The following RAPH1 variants were observed in gnomAD, a reference collection of about 807,000 sequenced individuals.
RAPH1 encodes ras-associated and pleckstrin homology domains-containing protein 1.
In RAPH1, 18 loss-of-function variants were observed where a neutral mutation model predicts 88.1. That is an observed-to-expected ratio of 0.20 (90% CI 0.14 to 0.30). The LOEUF (loss-of-function observed/expected upper bound fraction) is 0.30. Ranked by LOEUF, RAPH1 falls within the 10% of genes least tolerant of loss-of-function variation. The pLI, the probability that RAPH1 is intolerant of heterozygous loss-of-function variation, is 1.00. For missense variants in RAPH1, 1,448 were observed against 1,543.2 expected, an observed-to-expected ratio of 0.94 and a Z score of 1.03; for synonymous variants, 587 against 559.0, an observed-to-expected ratio of 1.05 and a Z score of -0.71.
Position 203,440,607 on chromosome 2 carries a change from G to C in RAPH1, c.2583C>G (p.Val861=), listed in dbSNP as rs747443349. The C allele has an allele frequency of 6.4e-7, 1 of 1,556,194 alleles. No homozygotes were observed. Among genetic ancestry groups the C allele is most frequent in the African/African-American group, 1.4e-5 (1 of 73,140 alleles). Residue 861 remains valine (V), a synonymous_variant, in exon 14 of 14, where the codon GTC becomes GTG. Coordinates refer to ENST00000319170, the MANE Select transcript of RAPH1 (RefSeq NM_213589.3). The stretch of plus-strand genomic sequence containing the variant: ...GAAACTGGCTGGCTATCTGCTTCAC[G>C]ACCGAGGGCACCGGTGACAGTGGAG... The part of the protein sequence containing the change: ...PPSPLSPVPS[V]VKQIASQFPP...
intron 4 of RAPH1, among the ~76,000 whole-genome samples, chr2:203,482,537 T>C (rs986913102): frequency 6.6e-6 from 1 of 152,216 alleles, no homozygotes; most frequent in African/African-American, 2.4e-5. Context: ...TAAGAAAACT[T>C]GATGATTGTG....
Position 203,440,972 on chromosome 2 carries a change from A to G in RAPH1, c.2218T>C (p.Phe740Leu). The change falls in exon 14 of 14, where the codon TTC becomes CTC. Residue 740 changes from phenylalanine to leucine, a missense_variant. This residue lies in a region of RAPH1 where 935 missense variants were observed against 890.1 expected (regional missense o/e 1.05). Coordinates refer to ENST00000319170, the MANE Select transcript of RAPH1 (RefSeq NM_213589.3). ...TTCAGTGGAGGAGGCGGGGCACTGA[A>G]CTGTGGAAGGGATGGGGCACACGGT... ...PAPCAPSLPQ[F>L]SAPPPPLKIH... is the part of the protein sequence containing the mutation. 1.9e-6 allele frequency: 3 copies of G among 1,544,472 alleles called. No individual in the cohort carries two copies. The highest frequency in any genetic ancestry group is 2.6e-6 in the Non-Finnish European group (3 of 1,146,980).
intron 4 of RAPH1, among the ~76,000 whole-genome samples, chr2:203,486,517 T>A (rs1669449680): frequency 6.6e-6 from 1 of 152,036 alleles, no homozygotes; most frequent in Non-Finnish European, 1.5e-5. Context: ...AATCAAGAAA[T>A]GGCAATGTGT....
chr2:203,525,996 C>T lies in RAPH1; in HGVS notation c.-1+9115G>A, dbSNP rs1021178343. On this transcript the variant is annotated intron_variant, in intron 1 of 13. Coordinates refer to ENST00000319170, the MANE Select transcript of RAPH1 (RefSeq NM_213589.3). ...GTTGTATACCTTGCTGGAGGTGTTCCGAAAAAAAATACTATGGACATGAAA... is the reference window on the plus strand; with the variant it reads ...GTTGTATACCTTGCTGGAGGTGTTCTGAAAAAAAATACTATGGACATGAAA... Among the ~76,000 whole-genome samples the T allele has an allele frequency of 3.3e-4, 49 of 149,482 alleles. 1 individual carries two copies. Among genetic ancestry groups the T allele is most frequent in the Admixed American group, 1.3e-4 (2 of 15,130 alleles).
chr2:203,467,529 G>A (rs1430298040), intron 4 of RAPH1, among the ~76,000 whole-genome samples: 1 of 151,970 alleles, frequency 6.6e-6, no homozygotes, highest in Non-Finnish European at 1.5e-5. Context: ...AACCTGGGAG[G>A]TGGAGGTTGC....
intron 1 of RAPH1, among the ~76,000 whole-genome samples, chr2:203,510,246 A>G (rs1689276128): frequency 1.3e-5 from 2 of 150,624 alleles, no homozygotes. Flanking sequence ...TAACGTAGGA[A>G]AATTGCTTGA....
At chr2:203,450,671 G>A (rs11679740) in intron 10 of RAPH1, among the ~76,000 whole-genome samples, 66,813 of 152,126 alleles carry the variant, frequency 0.44, 16,695 homozygotes, top group Middle Eastern at 0.7. Context: ...ACTGAAAAGA[G>A]CTCTGTTAGT....
At chr2:203,454,174 A>C (rs565459194) in intron 10 of RAPH1, among the ~76,000 whole-genome samples, 1 of 152,338 alleles carries the variant, frequency 6.6e-6, no homozygotes, top group African/African-American at 2.4e-5. Context: ...TCAAATTTAT[A>C]ATCAAATACA....
chr2:203,455,374 T>C, intron 9 of RAPH1, 63 bp downstream of exon 9: 1 of 1,502,616 alleles, frequency 6.7e-7, no homozygotes, highest in South Asian at 1.2e-5. Flanking sequence ...GTCAGCATAC[T>C]CAATACAAAT....
At chr2:203,523,065 T>C (rs904771830) in intron 1 of RAPH1, among the ~76,000 whole-genome samples, 4 of 151,956 alleles carry the variant, frequency 2.6e-5, no homozygotes, top group Non-Finnish European at 5.9e-5. Flanking sequence ...AGTCCAGGAA[T>C]AGACCCACAC....
intron 4 of RAPH1, among the ~76,000 whole-genome samples, chr2:203,486,093 C>CAAAAAAAAAAAAAAAAAAAA (rs59599120): frequency 8.2e-6 from 1 of 121,864 alleles, no homozygotes; most frequent in Non-Finnish European, 1.7e-5. Context: ...CTGAAGACTA[C>CAAAAAAAAAAAAAAAAAAAA]AAAAAAAAAA....
intron 1 of RAPH1, among the ~76,000 whole-genome samples, chr2:203,522,367 G>A (rs574710544): frequency 2.0e-5 from 3 of 152,188 alleles, no homozygotes; most frequent in Non-Finnish European, 4.4e-5. Flanking sequence ...CAGTGTTTAT[G>A]TAATACATTG....
chr2:203,488,606 A>AAAAAC (rs1553626745), intron 4 of RAPH1, among the ~76,000 whole-genome samples: 4 of 149,694 alleles, frequency 2.7e-5, no homozygotes, highest in African/African-American at 9.9e-5. Context: ...AAAAAAAAAA[A>AAAAAC]AAAAAAAAAA....
chr2:203,462,042 C>T, intron 4 of RAPH1, 117 bp from the exon 5 acceptor site: 2 of 634,252 alleles, frequency 3.2e-6, no homozygotes, highest in East Asian at 3.0e-5. Flanking sequence ...TAACTACACA[C>T]AGAGCACATT....
In RAPH1 at chr2:203,433,733, G is replaced by A. The variant is rs1028778185; in HGVS notation, c.*5704C>T. 1.3e-5 allele frequency: 2 copies of A among 152,038 alleles called. No homozygotes were observed. Among genetic ancestry groups the A allele is most frequent in the East Asian group, 3.8e-4 (2 of 5,198 alleles). The allele number at this position is 152,038 out of a possible 1,614,324, so 9.4% of individuals were successfully genotyped here. On this transcript the variant is annotated 3_prime_UTR_variant, in exon 14 of 14. Coordinates refer to ENST00000319170, the MANE Select transcript of RAPH1 (RefSeq NM_213589.3). Reference sequence around the variant, plus strand: ...CCACACTTAATTTCTTCTGTGTATGGCCTATGTTTTGGGTACCCTGACATG... The same window carrying A: ...CCACACTTAATTTCTTCTGTGTATGACCTATGTTTTGGGTACCCTGACATG...
rs534897502 is a variant in RAPH1, at chr2:203,446,602, T to G, written c.1633+1357A>C. 3 of 152,342 alleles carry G rather than the reference T, an allele frequency of 2.0e-5. No homozygotes were observed. In the South Asian group the frequency reaches 6.2e-4, roughly 32 times the overall value. The allele number at this position is 152,342 out of a possible 1,614,324, so 9.4% of individuals were successfully genotyped here. On this transcript the variant is annotated intron_variant, in intron 12 of 13. Coordinates refer to ENST00000319170, the MANE Select transcript of RAPH1 (RefSeq NM_213589.3). ...CCCATTTATTTATTCAATGATTTAT[T>G]TACATCAGTATAAACTCATGGATAT...
chr2:203,442,043 A>G (rs374782964), intron 13 of RAPH1: 17 of 1,584,208 alleles, frequency 1.1e-5, no homozygotes, highest in African/African-American at 4.1e-5. Flanking sequence ...AAGTCCAGCA[A>G]TGCAGGTAAA....
intron 1 of RAPH1, among the ~76,000 whole-genome samples, chr2:203,517,797 A>T (rs1689683734): frequency 6.6e-6 from 1 of 152,214 alleles, no homozygotes; most frequent in Non-Finnish European, 1.5e-5. Flanking sequence ...CTCAAAAGAA[A>T]TTTTAAAAAT....
intron 4 of RAPH1, among the ~76,000 whole-genome samples, chr2:203,480,054 A>T (rs892895902): frequency 2.6e-5 from 4 of 152,246 alleles, no homozygotes; most frequent in African/African-American, 9.6e-5. Context: ...TCAGTTTTGA[A>T]AACTTTCATT....
Sources: gnomAD v4.1 joint callset for allele counts (sites outside exome capture counted in the v4.1 genomes callset) on GRCh38, gnomAD v4.1.1 for gene constraint, gnomAD v4.1.1 regional missense constraint, MANE v1.5 for transcripts, NCBI Gene and HGNC (gene_info 2026-07-23, HGNC 2026-07-21) for gene names.